Variants in FBP2 observed in about 807,000 individuals in gnomAD.
FBP2 encodes the protein fructose-bisphosphatase 2.
A neutral mutation model predicts 31.6 loss-of-function variants in FBP2; 27 were observed. That is an observed-to-expected ratio of 0.85 (90% CI 0.63 to 1.18). The LOEUF is 1.18. Among genes scored for constraint, FBP2 ranks in the 50% most tolerant of loss-of-function variants. The pLI is 0.00. For synonymous variants in FBP2, 168 were observed against 179.8 expected, an observed-to-expected ratio of 0.93 and a Z score of 0.53; for missense variants, 421 against 436.1, an observed-to-expected ratio of 0.97 and a Z score of 0.31.
intron 3 of FBP2, among the ~76,000 whole-genome samples, chr9:94,574,763 A>G: frequency 6.6e-6 from 1 of 152,088 alleles, no homozygotes; most frequent in South Asian, 2.1e-4. Context: ...CCACCTCTCT[A>G]CCAAACTCAT....
intron 3 of FBP2, among the ~76,000 whole-genome samples, chr9:94,580,636 T>G (rs1004976487): frequency 1.3e-5 from 2 of 152,250 alleles, no homozygotes; most frequent in African/African-American, 4.8e-5. Flanking sequence ...TTTAACTTTT[T>G]CAAAATTGAA....
intron 3 of FBP2, among the ~76,000 whole-genome samples, chr9:94,579,050 C>CAAAAAAAAA (rs55778806): frequency 0.027 from 837 of 30,566 alleles, 225 homozygotes; most frequent in African/African-American, 0.16. Context: ...GAGACTCTGT[C>CAAAAAAAAA]AAAAAAAAAA....
intron 1 of FBP2, among the ~76,000 whole-genome samples, chr9:94,592,939 C>G (rs945508070): frequency 1.3e-5 from 2 of 152,152 alleles, no homozygotes; most frequent in African/African-American, 4.8e-5. Context: ...CCAAAGAGAA[C>G]CCTGTGGAAG....
chr9:94,569,481 A>T (rs1297523217), intron 4 of FBP2: 1 of 152,258 alleles, frequency 6.6e-6, no homozygotes, highest in Admixed American at 6.5e-5. Context: ...ACCTGAACAG[A>T]GGCGCTCATT....
chr9:94,571,307 G>C (rs942584731), intron 4 of FBP2, among the ~76,000 whole-genome samples, 155 bp downstream of exon 4: 1 of 152,178 alleles, frequency 6.6e-6, no homozygotes, highest in Non-Finnish European at 1.5e-5. Flanking sequence ...CATGGTTTCT[G>C]ATGATGGTTT....
intron 1 of FBP2, among the ~76,000 whole-genome samples, chr9:94,588,839 C>T (rs1827460164): frequency 6.6e-6 from 1 of 152,142 alleles, no homozygotes; most frequent in Non-Finnish European, 1.5e-5. Context: ...CTGCCCGTCT[C>T]TCTCATCCTC....
At chr9:94,580,333 T>G (rs1827361664) in intron 3 of FBP2, among the ~76,000 whole-genome samples, 1 of 152,178 alleles carries the variant, frequency 6.6e-6, no homozygotes. Context: ...TAGGTTCAAG[T>G]GATTCTCATG....
chr9:94,576,206 G>C (rs1445586349), intron 3 of FBP2, among the ~76,000 whole-genome samples: 1 of 152,210 alleles, frequency 6.6e-6, no homozygotes, highest in Non-Finnish European at 1.5e-5. Flanking sequence ...ACAAGACCCA[G>C]AGATACTGTA....
chr9:94,578,102 A>C (rs1484212656), intron 3 of FBP2, among the ~76,000 whole-genome samples: 1 of 152,242 alleles, frequency 6.6e-6, no homozygotes, highest in Non-Finnish European at 1.5e-5. Context: ...TAAGCAAATA[A>C]ATTTTGTATT....
intron 1 of FBP2, among the ~76,000 whole-genome samples, chr9:94,591,443 G>T (rs1240003890): frequency 6.6e-6 from 1 of 151,870 alleles, no homozygotes; most frequent in Non-Finnish European, 1.5e-5. Flanking sequence ...TCGGAGTGCG[G>T]GCCCGCCAAG....
At chr9:94,586,707 T>G (rs1238777200) in intron 2 of FBP2, 2 of 152,206 alleles carry the variant, frequency 1.3e-5, no homozygotes, top group African/African-American at 4.8e-5. Context: ...AGCTGAACAT[T>G]GATTGAAACT....
rs149187531 is a variant in FBP2 at position 94,587,053 on chromosome 9, G to A, written c.333+254C>T. Among the ~76,000 whole-genome samples the A allele has an allele frequency of 1.4e-3, 218 of 152,312 alleles. 4 individuals carry two copies. The East Asian group carries it at 0.037, about 26-fold the overall frequency. On this transcript the variant is annotated intron_variant, in intron 2 of 6. Transcript: ENST00000375337. ...TGTTACTGATTAAGTGAACAGCCAC[G>A]AACAAGCGCCCACTGAGGCGGTTCC...
chr9:94,569,882 A>T (rs1564182790), intron 4 of FBP2: 2 of 152,252 alleles, frequency 1.3e-5, no homozygotes, highest in Non-Finnish European at 2.9e-5. Flanking sequence ...CCACCAGGGA[A>T]TGCTGCCTCC....
intron 1 of FBP2, among the ~76,000 whole-genome samples, chr9:94,587,962 C>G (rs113746116): frequency 0.062 from 9,503 of 152,230 alleles, 992 homozygotes; most frequent in African/African-American, 0.22. Flanking sequence ...CGTTCTCCTG[C>G]CTCAGCCTCC....
chr9:94,590,405 T>C (rs1473096699), intron 1 of FBP2, among the ~76,000 whole-genome samples: 3 of 151,424 alleles, frequency 2.0e-5, no homozygotes, highest in Non-Finnish European at 4.4e-5. Context: ...CACGGAGCCC[T>C]TGCTAGAAAG....
Position 94,558,937 on chromosome 9 carries a change from G to A in FBP2, c.*1C>T, listed in dbSNP as rs375171316. On this transcript the variant is annotated 3_prime_UTR_variant, in exon 7 of 7. Transcript: ENST00000375337. ...GAAGAGGGCATGTGGGGTCAAACTC[G>A]CTAGCTGCCTGCCTGATTTTTCTGC... The A allele has an allele frequency of 2.9e-5, 46 of 1,613,840 alleles. No homozygotes were observed. The highest frequency in any genetic ancestry group is 1.9e-4 in the South Asian group (17 of 91,070).
At chr9:94,577,463 T>G (rs891096160) in intron 3 of FBP2, 2 of 152,236 alleles carry the variant, frequency 1.3e-5, no homozygotes, top group African/African-American at 4.8e-5. Context: ...ATGGTTAACC[T>G]ACACTGTGGA....
chr9:94,579,941 C>T (rs149630478), intron 3 of FBP2, among the ~76,000 whole-genome samples: 44 of 152,276 alleles, frequency 2.9e-4, no homozygotes, highest in African/African-American at 1.0e-3. Flanking sequence ...CTTGATATGT[C>T]TAAATTTGTC....
At chr9:94,574,570 T>G (rs1827298974) in intron 3 of FBP2, among the ~76,000 whole-genome samples, 1 of 152,160 alleles carries the variant, frequency 6.6e-6, no homozygotes, top group South Asian at 2.1e-4. Context: ...GTCACAAATA[T>G]TTTCCTCGAT....
Sources: gnomAD v4.1 joint callset for allele counts (sites outside exome capture counted in the v4.1 genomes callset) on GRCh38, gnomAD v4.1.1 for gene constraint, MANE v1.5 for transcripts, NCBI Gene and HGNC (gene_info 2026-07-23, HGNC 2026-07-21) for gene names.